The following WDR64 variants were observed in gnomAD, a reference collection of about 807,000 sequenced individuals.
WDR64 encodes the protein WD repeat domain 64, also known as WD repeat-containing protein 64.
WDR64 carries 112 observed loss-of-function variants against 139.3 expected under a neutral mutation model. That is an observed-to-expected ratio of 0.80 (90% CI 0.69 to 0.94). The LOEUF (loss-of-function observed/expected upper bound fraction) is 0.94. Among genes scored for constraint, WDR64 ranks in the 40% least tolerant of loss-of-function variants. The pLI is 0.00. For synonymous variants in WDR64, 444 were observed against 437.7 expected (o/e 1.01, Z -0.18); for missense variants, 1,206 against 1,293.1 (o/e 0.93, Z 1.03).
At chr1:241,720,768 T>C (rs1444110645) in intron 9 of WDR64, among the ~76,000 whole-genome samples, 1 of 152,222 alleles carries the variant, frequency 6.6e-6, no homozygotes, top group Non-Finnish European at 1.5e-5. Flanking sequence ...ACTCTGATGA[T>C]AGTTTCTTTT....
intron 21 of WDR64, among the ~76,000 whole-genome samples, chr1:241,779,597 G>A (rs574750316): frequency 3.3e-5 from 5 of 152,204 alleles, no homozygotes; most frequent in African/African-American, 7.2e-5. Context: ...AGGCCAAGGC[G>A]GGTGGATCAT....
At chr1:241,786,486 T>C (rs1417468483) in intron 23 of WDR64, among the ~76,000 whole-genome samples, 1 of 152,246 alleles carries the variant, frequency 6.6e-6, no homozygotes, top group Non-Finnish European at 1.5e-5. Flanking sequence ...ACATGGGCTA[T>C]TTAGAGGGAC....
At chr1:241,713,575 T>G (rs1357981823) in intron 9 of WDR64, among the ~76,000 whole-genome samples, 3 of 149,840 alleles carry the variant, frequency 2.0e-5, no homozygotes, top group African/African-American at 4.9e-5. Context: ...GCCTACTTCA[T>G]AGGATGGTGT....
At chr1:241,774,233 C>T (rs773222890) in intron 20 of WDR64, among the ~76,000 whole-genome samples, 7 of 152,170 alleles carry the variant, frequency 4.6e-5, no homozygotes, top group African/African-American at 1.2e-4. Context: ...TCCAACAACA[C>T]GGAACCGCAT....
intron 13 of WDR64, 85 bp downstream of exon 13, chr1:241,744,601 A>G (rs1190760021): frequency 6.4e-7 from 1 of 1,562,714 alleles, no homozygotes; most frequent in Non-Finnish European, 8.7e-7. Context: ...TTAGGGTAGA[A>G]GGAGAGCATG....
chr1:241,780,897 C>T (rs1167742953), intron 22 of WDR64, among the ~76,000 whole-genome samples: 3 of 152,060 alleles, frequency 2.0e-5, no homozygotes, highest in East Asian at 1.9e-4. Flanking sequence ...ATACTCTTTC[C>T]GTATATAATA....
chr1:241,766,401 G>C, intron 16 of WDR64, 50 bp downstream of exon 16: 1 of 1,576,474 alleles, frequency 6.3e-7, no homozygotes, highest in Non-Finnish European at 8.6e-7. Context: ...CTGCAGAAGG[G>C]CTCAGTAGCA....
chr1:241,792,480 A>G lies in WDR64; in HGVS notation c.2997+1784A>G, dbSNP rs546745144. ...GAACCCAGGAGATGGAGGTTGCAGT[A>G]AGCTGAGATCGTGCCACTGCACTCC... On this transcript the variant is annotated intron_variant, in intron 25 of 27. Transcript: ENST00000437684. 1.4e-4 allele frequency among the ~76,000 whole-genome samples: 21 copies of G among 152,190 alleles called. No homozygotes were observed. In the East Asian group the frequency reaches 2.1e-3, roughly 15 times the overall value.
chr1:241,707,307 T>A (rs1272039878), intron 8 of WDR64, among the ~76,000 whole-genome samples: 1 of 152,210 alleles, frequency 6.6e-6, no homozygotes, highest in Non-Finnish European at 1.5e-5. Flanking sequence ...CTTCATAGGC[T>A]TTGCTGCCCC....
Position 241,670,786 on chromosome 1 carries a change from T to G in WDR64, c.277-288T>G, listed in dbSNP as rs892911128. Among the ~76,000 whole-genome samples, 3 of 152,140 alleles carry G rather than the reference T, an allele frequency of 2.0e-5. No individual in the cohort carries two copies. In the East Asian group the frequency reaches 5.8e-4, roughly 29 times the overall value. On this transcript the variant is annotated intron_variant, in intron 2 of 27. Transcript: ENST00000437684. ...AGGGATCTAGATTGCATGCTCCTTA[T>G]GAGAATCTAGTGCCTGATGATCTGA...
At chr1:241,726,874 C>T (rs2148208925) in intron 10 of WDR64, among the ~76,000 whole-genome samples, 1 of 146,438 alleles carries the variant, frequency 6.8e-6, no homozygotes, top group Middle Eastern at 3.6e-3. Flanking sequence ...ATATACATTA[C>T]TTTGTAATAA....
At chr1:241,793,339 G>A (rs1263262238) in intron 25 of WDR64, among the ~76,000 whole-genome samples, 2 of 152,098 alleles carry the variant, frequency 1.3e-5, no homozygotes, top group African/African-American at 2.4e-5. Flanking sequence ...CAAAGTTGGG[G>A]GTGTTGTTCC....
At chr1:241,713,813 C>T (rs145303980) in intron 9 of WDR64, among the ~76,000 whole-genome samples, 5 of 152,254 alleles carry the variant, frequency 3.3e-5, no homozygotes, top group African/African-American at 1.2e-4. Context: ...AAAGACTCGA[C>T]CTCAAAGACA....
At chr1:241,701,395 G>A (rs1346977562) in intron 8 of WDR64, among the ~76,000 whole-genome samples, 1 of 152,112 alleles carries the variant, frequency 6.6e-6, no homozygotes, top group African/African-American at 2.4e-5. Context: ...GTTACGTAAT[G>A]GTATTGTAGG....
intron 7 of WDR64, among the ~76,000 whole-genome samples, chr1:241,685,041 G>GCCA (rs1179845999): frequency 6.6e-6 from 1 of 151,952 alleles, no homozygotes; most frequent in Non-Finnish European, 1.5e-5. Context: ...ATAGGCTTGA[G>GCCA]CCACCGTGCC....
chr1:241,780,526 C>G (rs1042684789), intron 22 of WDR64, among the ~76,000 whole-genome samples: 2 of 151,920 alleles, frequency 1.3e-5, no homozygotes, highest in Non-Finnish European at 1.5e-5. Flanking sequence ...AATATTATAC[C>G]AAGGAACAGC....
intron 9 of WDR64, among the ~76,000 whole-genome samples, chr1:241,714,141 G>T (rs1225868321): frequency 6.6e-6 from 1 of 152,198 alleles, no homozygotes; most frequent in Non-Finnish European, 1.5e-5. Context: ...GCTCCCAGAG[G>T]TTCCTCAAGG....
intron 19 of WDR64, among the ~76,000 whole-genome samples, chr1:241,771,941 CATACATATATATATATATATATATATAT>C (rs1209536065): frequency 3.5e-4 from 10 of 28,964 alleles, no homozygotes; most frequent in African/African-American, 1.1e-3. Context: ...TACATACATA[CATACATATATATATATATATATATATAT>C]ATATATATAT....
At chr1:241,655,196 A>G (rs905214099) in intron 1 of WDR64, among the ~76,000 whole-genome samples, 1 of 152,188 alleles carries the variant, frequency 6.6e-6, no homozygotes, top group Non-Finnish European at 1.5e-5. Flanking sequence ...CAGCCTTGCC[A>G]ACATGATGAA....
Sources: allele counts gnomAD v4.1 joint callset (sites outside exome capture counted in the v4.1 genomes callset), GRCh38; gene constraint gnomAD v4.1.1; transcripts MANE v1.5; gene names NCBI Gene and HGNC (gene_info 2026-07-23, HGNC 2026-07-21).